The following LDLRAD4 variants were observed in gnomAD, a reference collection of about 807,000 sequenced individuals.
The protein encoded by LDLRAD4 is low-density lipoprotein receptor class A domain-containing protein 4.
In LDLRAD4, 5 loss-of-function variants were observed where a neutral mutation model predicts 17.0. The ratio of observed to expected loss-of-function variants is 0.29; its 90% CI spans 0.15 to 0.62. The LOEUF is 0.62. LDLRAD4 is among the 20% of genes least tolerant of loss of function. The pLI, the probability that LDLRAD4 is intolerant of heterozygous loss-of-function variation, is 0.84. For missense variants in LDLRAD4, 340 were observed against 424.7 expected (o/e 0.80, Z 1.75); for synonymous variants, 168 against 171.8 (o/e 0.98, Z 0.17).
intron 3 of LDLRAD4, among the ~76,000 whole-genome samples, chr18:13,506,409 G>T (rs1027811537): frequency 7.9e-6 from 1 of 126,204 alleles, no homozygotes; most frequent in Non-Finnish European, 1.5e-5. Flanking sequence ...CTCCGTTTAC[G>T]GTAGGCTTGA....
rs557651600 is a variant in LDLRAD4, at chr18:13,495,931, T to A, written c.181+57547T>A. Reference sequence around the variant, plus strand: ...CTCCAGCTGCCGGGCCCTTGTGGAGTTTCTTCCCACGGATTTTTCATCCTC... The same window carrying A: ...CTCCAGCTGCCGGGCCCTTGTGGAGATTCTTCCCACGGATTTTTCATCCTC... On this transcript the variant is annotated intron_variant, in intron 3 of 5. Transcript: ENST00000359446. Among the ~76,000 whole-genome samples, 11 of 152,102 alleles carry A rather than the reference T, an allele frequency of 7.2e-5. No homozygotes were observed. The East Asian group carries it at 1.2e-3, about 16-fold the overall frequency.
intron 2 of LDLRAD4, among the ~76,000 whole-genome samples, chr18:13,400,553 C>T (rs931133161): frequency 2.0e-5 from 3 of 152,098 alleles, no homozygotes; most frequent in Admixed American, 6.5e-5. Context: ...CTCTTAGAAA[C>T]GTGGTGATGG....
chr18:13,324,366 T>C (rs2081407787), intron 1 of LDLRAD4, among the ~76,000 whole-genome samples: 1 of 151,878 alleles, frequency 6.6e-6, no homozygotes, highest in African/African-American at 2.4e-5. Flanking sequence ...ATGGTCTCCA[T>C]CTCCTGACTT....
intron 1 of LDLRAD4, among the ~76,000 whole-genome samples, chr18:13,298,774 G>T (rs2046420699): frequency 1.3e-5 from 2 of 152,224 alleles, no homozygotes. Context: ...GGGGCCACTG[G>T]CCTGTGGCAG....
exon 6 of LDLRAD4, chr18:13,646,021 G>A (rs948181371): frequency 5.6e-6 from 1 of 180,116 alleles, no homozygotes; most frequent in Non-Finnish European, 1.1e-5. Flanking sequence ...AGGCCAGAAT[G>A]GCATGTTTTA....
chr18:13,425,316 A>G (rs986460964), intron 2 of LDLRAD4, among the ~76,000 whole-genome samples: 3 of 152,324 alleles, frequency 2.0e-5, no homozygotes, highest in South Asian at 4.1e-4. Context: ...TTAAATATAA[A>G]GAAAACTTGC....
chr18:13,231,270 C>T (rs370986870), intron 1 of LDLRAD4, among the ~76,000 whole-genome samples: 1 of 152,246 alleles, frequency 6.6e-6, no homozygotes, highest in Admixed American at 6.5e-5. Flanking sequence ...GAAGAAATGG[C>T]AGTGGACACA....
At chr18:13,335,223 C>T (rs956406051) in intron 1 of LDLRAD4, among the ~76,000 whole-genome samples, 2 of 152,154 alleles carry the variant, frequency 1.3e-5, no homozygotes, top group African/African-American at 2.4e-5. Context: ...TCCTCTGGTT[C>T]GTTAGAGGGA....
chr18:13,260,147 A>G (rs2043734679), intron 1 of LDLRAD4, among the ~76,000 whole-genome samples: 1 of 152,244 alleles, frequency 6.6e-6, no homozygotes, highest in African/African-American at 2.4e-5. Flanking sequence ...CATTTGGATA[A>G]TCTCCTGAGA....
intron 3 of LDLRAD4, among the ~76,000 whole-genome samples, chr18:13,551,608 C>T (rs1434275604): frequency 1.3e-5 from 2 of 152,088 alleles, no homozygotes; most frequent in African/African-American, 4.8e-5. Context: ...AGGATGGCAT[C>T]ACAGAGTGTG....
intron 1 of LDLRAD4, among the ~76,000 whole-genome samples, chr18:13,253,518 T>C (rs2043338698): frequency 6.6e-6 from 1 of 152,164 alleles, no homozygotes; most frequent in Admixed American, 6.5e-5. Context: ...GCTGATTTAG[T>C]ACTTGTGGGC....
intron 1 of LDLRAD4, among the ~76,000 whole-genome samples, chr18:13,284,212 C>T (rs1261845183): frequency 2.6e-5 from 4 of 152,078 alleles, no homozygotes; most frequent in African/African-American, 7.2e-5. Context: ...AATGCCAGCC[C>T]GCAGGAAGAA....
chr18:13,325,757 C>T (rs1156634413), intron 1 of LDLRAD4, among the ~76,000 whole-genome samples: 10 of 145,810 alleles, frequency 6.9e-5, no homozygotes, highest in Admixed American at 4.8e-4. Flanking sequence ...AACTTTTTTC[C>T]TTTTTTTTTT....
intron 3 of LDLRAD4, among the ~76,000 whole-genome samples, chr18:13,573,388 C>T (rs2094720305): frequency 6.8e-6 from 1 of 147,964 alleles, no homozygotes; most frequent in African/African-American, 2.5e-5. Context: ...TACAGGTACC[C>T]ATCACCACGC....
chr18:13,347,747 A>G (rs1342279556), intron 1 of LDLRAD4, among the ~76,000 whole-genome samples: 1 of 152,046 alleles, frequency 6.6e-6, no homozygotes, highest in African/African-American at 2.4e-5. Context: ...ATAGTCCCAT[A>G]TTTCTTGGAG....
intron 1 of LDLRAD4, among the ~76,000 whole-genome samples, chr18:13,346,091 C>T (rs2082671015): frequency 6.6e-6 from 1 of 152,122 alleles, no homozygotes; most frequent in Non-Finnish European, 1.5e-5. Context: ...CAGTTCTGCC[C>T]TGATCTTAGT....
chr18:13,350,750 T>C (rs1415197577), intron 1 of LDLRAD4, among the ~76,000 whole-genome samples: 1 of 152,222 alleles, frequency 6.6e-6, no homozygotes, highest in Non-Finnish European at 1.5e-5. Context: ...CTTCTAGGGT[T>C]TTAATGGCTT....
chr18:13,545,752 T>A (rs1265060461), intron 3 of LDLRAD4, among the ~76,000 whole-genome samples: 5 of 152,174 alleles, frequency 3.3e-5, no homozygotes, highest in African/African-American at 1.2e-4. Flanking sequence ...ACACCAAGCA[T>A]ACTCAGTGCC....
At chr18:13,591,440 G>GTT (rs1183662795) in intron 3 of LDLRAD4, among the ~76,000 whole-genome samples, 1 of 151,792 alleles carries the variant, frequency 6.6e-6, no homozygotes, top group Non-Finnish European at 1.5e-5. Flanking sequence ...GTCTGTGTGT[G>GTT]TGTGTGTGTC....
Sources: gnomAD v4.1 joint callset for allele counts (sites outside exome capture counted in the v4.1 genomes callset) on GRCh38, gnomAD v4.1.1 for gene constraint, MANE v1.5 for transcripts, NCBI Gene and HGNC (gene_info 2026-07-23, HGNC 2026-07-21) for gene names.